Variants in C9orf85 observed in about 807,000 individuals in gnomAD.
The protein encoded by C9orf85 is uncharacterized protein C9orf85.
In C9orf85, 16 loss-of-function variants were observed where a neutral mutation model predicts 14.9. The observed-to-expected ratio is 1.08, with a 90% CI of 0.73 to 1.63. The LOEUF is 1.63. Ranked by LOEUF, C9orf85 falls within the 40% of genes most tolerant of loss-of-function variation. C9orf85 has a pLI of 0.00. For synonymous variants in C9orf85, 45 were observed against 56.8 expected, an observed-to-expected ratio of 0.79 and a Z score of 0.93; for missense variants, 172 against 186.1, an observed-to-expected ratio of 0.92 and a Z score of 0.44.
downstream of C9orf85, among the ~76,000 whole-genome samples, chr9:71,975,601 G>T (rs1180526324): frequency 6.6e-6 from 1 of 152,240 alleles, no homozygotes; most frequent in Non-Finnish European, 1.5e-5. Context: ...TGGAGGCCAA[G>T]GCGGACGGAT....
intron 2 of C9orf85, among the ~76,000 whole-genome samples, chr9:71,969,133 A>G (rs1311624751): frequency 6.6e-6 from 1 of 152,162 alleles, no homozygotes; most frequent in Non-Finnish European, 1.5e-5. Context: ...CAAAGAACTG[A>G]ACATACTGAC....
intron 2 of C9orf85, among the ~76,000 whole-genome samples, chr9:71,948,619 T>G (rs1466788188): frequency 6.6e-6 from 1 of 152,154 alleles, no homozygotes; most frequent in Non-Finnish European, 1.5e-5. Flanking sequence ...CCTCCCAGGT[T>G]CAAGCAATTC....
At chr9:71,965,391 A>G (rs1589270307) in intron 2 of C9orf85, among the ~76,000 whole-genome samples, 1 of 143,732 alleles carries the variant, frequency 7.0e-6, no homozygotes, top group Admixed American at 7.2e-5. Context: ...AGGCTTAGGG[A>G]TTCTTAGTCA....
chr9:71,975,022 G>A (rs1251408357), downstream of C9orf85, among the ~76,000 whole-genome samples: 2 of 152,134 alleles, frequency 1.3e-5, no homozygotes, highest in Non-Finnish European at 2.9e-5. Flanking sequence ...CTAATTTACT[G>A]TAAAATATTT....
Position 71,939,242 on chromosome 9 carries a change from T to C in C9orf85, c.103-7764T>C, listed in dbSNP as rs75811814. 4.9e-3 allele frequency among the ~76,000 whole-genome samples: 738 copies of C among 152,072 alleles called. 6 individuals carry two copies. Among genetic ancestry groups the C allele is most frequent in the African/African-American group, 0.017 (701 of 41,550 alleles). On this transcript the variant is annotated intron_variant, in intron 1 of 3. Transcript: ENST00000334731. ...GATTTTCTTATGTGTGATTTTCTTA[T>C]TATTGTATGACTTTCTTCTCTTGTG...
rs560762558 is a variant in C9orf85 at position 71,919,844 on chromosome 9, CTTTTTTCT to C, written c.102+8023_102+8030del. ...CACTTGAAGCTAATAAAGCATGTTT[CTTTTTTCT>C]TTTTTTCTTTTTTTTTTTTTGAGAC... On this transcript the variant is annotated intron_variant, in intron 1 of 3. Coordinates refer to ENST00000334731, the MANE Select transcript of C9orf85 (RefSeq NM_182505.5). 2.4e-3 allele frequency among the ~76,000 whole-genome samples: 358 copies of C among 150,982 alleles called. 1 individual carries two copies. The highest frequency in any genetic ancestry group is 8.3e-3 in the African/African-American group (344 of 41,272).
chr9:71,947,966 G>C (rs1169587706), intron 2 of C9orf85, among the ~76,000 whole-genome samples: 1 of 152,122 alleles, frequency 6.6e-6, no homozygotes, highest in Non-Finnish European at 1.5e-5. Flanking sequence ...TGTAATTCTG[G>C]GGTTCTCTTA....
At chr9:71,935,077 C>T (rs897499179) in intron 1 of C9orf85, among the ~76,000 whole-genome samples, 1 of 152,066 alleles carries the variant, frequency 6.6e-6, no homozygotes, top group Non-Finnish European at 1.5e-5. Context: ...CATACTCATT[C>T]GGATGACTAT....
chr9:71,951,181 A>G (rs1822236455), intron 2 of C9orf85, among the ~76,000 whole-genome samples: 1 of 152,210 alleles, frequency 6.6e-6, no homozygotes, highest in Non-Finnish European at 1.5e-5. Flanking sequence ...TCAGTTACTG[A>G]ATACAATCCT....
rs1232195666 is a variant in C9orf85 at position 71,928,516 on chromosome 9, A to G, written c.102+16680A>G. ...TCCTGTAGACAATAAAGAGATGGTC[A>G]TGATACAGACTGTACTTAATTCTAA... On this transcript the variant is annotated intron_variant, in intron 1 of 3. Transcript: ENST00000334731. Among the ~76,000 whole-genome samples, 3 of 152,304 alleles carry G rather than the reference A, an allele frequency of 2.0e-5. No individual in the cohort carries two copies. The East Asian group carries it at 5.8e-4, about 29-fold the overall frequency.
chr9:71,923,152 A>C (rs1827855810), intron 1 of C9orf85, among the ~76,000 whole-genome samples: 1 of 152,226 alleles, frequency 6.6e-6, no homozygotes, highest in Non-Finnish European at 1.5e-5. Flanking sequence ...ACCACCATCC[A>C]TCTGGTTTCC....
chr9:71,953,251 T>C (rs1007751414), intron 2 of C9orf85, among the ~76,000 whole-genome samples: 2 of 152,172 alleles, frequency 1.3e-5, no homozygotes, highest in African/African-American at 4.8e-5. Context: ...CACTGAAACA[T>C]CCTGTATCTT....
At chr9:71,955,968 TTGATA>T (rs1385547622) in intron 2 of C9orf85, among the ~76,000 whole-genome samples, 1 of 152,208 alleles carries the variant, frequency 6.6e-6, no homozygotes, top group African/African-American at 2.4e-5. Context: ...TGCCTCCATT[TTGATA>T]TATTTGTAGT....
rs185117082 is a variant in C9orf85 at position 71,918,920 on chromosome 9, A to T, written c.102+7084A>T. 9.9e-5 allele frequency among the ~76,000 whole-genome samples: 15 copies of T among 151,510 alleles called. No homozygotes were observed. In the East Asian group the frequency reaches 2.1e-3, roughly 22 times the overall value. The stretch of plus-strand genomic sequence containing the variant: ...CTTGAATCATCCCAAAGCCACCCTG[A>T]TCCCCCACCCCCACCCTAGTCCATG... On this transcript the variant is annotated intron_variant, in intron 1 of 3. Transcript: ENST00000334731.
At chr9:71,961,138 C>T (rs559678833) in intron 2 of C9orf85, among the ~76,000 whole-genome samples, 7 of 152,068 alleles carry the variant, frequency 4.6e-5, no homozygotes, top group East Asian at 2.0e-4. Flanking sequence ...TCTCAAACTC[C>T]GGACCTCAGG....
chr9:71,978,743 T>G (rs1037881033), intron 3 of C9orf85, among the ~76,000 whole-genome samples: 2 of 152,116 alleles, frequency 1.3e-5, no homozygotes, highest in African/African-American at 4.8e-5. Context: ...CACTTAAAAT[T>G]TGTTTATTTT....
intron 1 of C9orf85, among the ~76,000 whole-genome samples, chr9:71,934,493 G>A (rs1828143457): frequency 2.0e-5 from 3 of 152,160 alleles, no homozygotes; most frequent in Admixed American, 1.3e-4. Flanking sequence ...TGCATCAAAA[G>A]ACACTTATCA....
chr9:71,953,109 ATGC>A (rs560490453), intron 2 of C9orf85, among the ~76,000 whole-genome samples: 144 of 152,242 alleles, frequency 9.5e-4, no homozygotes, highest in Non-Finnish European at 1.7e-3. Context: ...GAGACCAGGG[ATGC>A]TGCTAAACAT....
At chr9:71,977,409 G>A (rs969402113), downstream of C9orf85, among the ~76,000 whole-genome samples, 2 of 152,182 alleles carry the variant, frequency 1.3e-5, no homozygotes, top group Non-Finnish European at 2.9e-5. Context: ...TGATTCATTA[G>A]TAGTGAAGGC....
Sources: allele counts gnomAD v4.1 joint callset (sites outside exome capture counted in the v4.1 genomes callset), GRCh38; gene constraint gnomAD v4.1.1; transcripts MANE v1.5; gene names NCBI Gene and HGNC (gene_info 2026-07-23, HGNC 2026-07-21).